Variants in L1TD1 observed in about 807,000 individuals in gnomAD.
The protein encoded by L1TD1 is LINE1 type transposase domain containing 1, also known as LINE-1 type transposase domain-containing protein 1.
A neutral mutation model predicts 25.7 loss-of-function variants in L1TD1; 26 were observed. The observed-to-expected ratio is 1.01, with a 90% CI of 0.74 to 1.40. The LOEUF is 1.40. Ranked by LOEUF, L1TD1 falls within the 40% of genes most tolerant of loss-of-function variation. The pLI is 0.00. For missense variants in L1TD1, 1,130 were observed against 975.0 expected (o/e 1.16, Z -2.12); for synonymous variants, 421 against 335.6 (o/e 1.25, Z -2.78).
chr1:62,204,891 C>T (rs571151892), intron 2 of L1TD1, among the ~76,000 whole-genome samples: 5 of 152,184 alleles, frequency 3.3e-5, no homozygotes, highest in African/African-American at 9.6e-5. Context: ...ATCCTCTTAC[C>T]TCAGCCTCCC....
chr1:62,207,692 A>G, intron 3 of L1TD1, 56 bp downstream of exon 3: 1 of 1,436,270 alleles, frequency 7.0e-7, no homozygotes, highest in Non-Finnish European at 9.2e-7. Context: ...AATAGTAGGC[A>G]TGGTTATTTT....
intron 2 of L1TD1, among the ~76,000 whole-genome samples, chr1:62,205,295 G>A (rs1482636927): frequency 2.0e-5 from 3 of 150,566 alleles, no homozygotes; most frequent in East Asian, 4.0e-4. Context: ...CCGAGATCGC[G>A]CCATTGCACT....
Position 62,206,642 on chromosome 1 carries a change from C to G in L1TD1, c.14C>G (p.Ser5Cys), listed in dbSNP as rs1422356047. Reference sequence around the variant, plus strand: ...AACATATCCACAATGTCTGATGTATCTACTAGTGTACAATCAAAATTTGCT... The same window carrying G: ...AACATATCCACAATGTCTGATGTATGTACTAGTGTACAATCAAAATTTGCT... MSDVSTSVQSKFARL... is the reference protein window; with the variant it reads MSDVCTSVQSKFARL... Residue 5 changes from serine (S) to cysteine (C), a missense_variant, in exon 3 of 4, where the codon TCT (serine) becomes TGT (cysteine). Ser to Cys is a moderately radical substitution (Grantham distance 112). Transcript: ENST00000498273. 1 of 1,539,462 alleles carries G rather than the reference C, an allele frequency of 6.5e-7. No homozygotes were observed. The highest frequency in any genetic ancestry group is 1.4e-5 in the African/African-American group (1 of 72,262).
At chr1:62,205,441 A>ACATTT (rs1670726048) in intron 2 of L1TD1, among the ~76,000 whole-genome samples, 1 of 53,880 alleles carries the variant, frequency 1.9e-5, no homozygotes, top group African/African-American at 6.3e-5. Context: ...ATATATATAT[A>ACATTT]TATTTTTTTT....
At chr1:62,202,300 CAA>C (rs761414950) in intron 2 of L1TD1, among the ~76,000 whole-genome samples, 10 of 124,748 alleles carry the variant, frequency 8.0e-5, no homozygotes, top group Admixed American at 2.5e-4. Flanking sequence ...AACTTCATCT[CAA>C]AAAAAAAAAA....
At chr1:62,198,884 C>T (rs1342425932) in intron 2 of L1TD1, among the ~76,000 whole-genome samples, 2 of 151,776 alleles carry the variant, frequency 1.3e-5, no homozygotes, top group East Asian at 3.9e-4. Context: ...GTCACCCAGG[C>T]TGGAATGCAG....
intron 1 of L1TD1, among the ~76,000 whole-genome samples, chr1:62,195,942 C>A (rs558344236): frequency 6.6e-6 from 1 of 151,932 alleles, no homozygotes; most frequent in Non-Finnish European, 1.5e-5. Flanking sequence ...GAGGCCGAGG[C>A]AGGAGAATCG....
At chr1:62,205,849 A>G (rs1055408350) in intron 2 of L1TD1, among the ~76,000 whole-genome samples, 8 of 151,980 alleles carry the variant, frequency 5.3e-5, no homozygotes, top group African/African-American at 1.9e-4. Flanking sequence ...CTTGCATCTG[A>G]ACCTCCCAAG....
chr1:62,204,391 TATC>T (rs1340448904), intron 2 of L1TD1, among the ~76,000 whole-genome samples: 4 of 152,230 alleles, frequency 2.6e-5, no homozygotes, highest in Admixed American at 2.0e-4. Flanking sequence ...GATAGGTAGT[TATC>T]ATTTTGATTT....
rs1269544269 is a variant in L1TD1, at chr1:62,197,397, T to TTTTATATATATATATATA, written c.-111+870_-111+871insTTATATATATATATATAT. The stretch of plus-strand genomic sequence containing the variant: ...GAGACGCCCTCTCAAAAAAAATAAA[T>TTTTATATATATATATATA]TATATATATATATATATATATATAT... On this transcript the variant is annotated intron_variant, in intron 2 of 3. Transcript: ENST00000498273. 2.1e-4 allele frequency among the ~76,000 whole-genome samples: 17 copies of TTTTATATATATATATATA among 80,804 alleles called. No individual in the cohort carries two copies. In the East Asian group the frequency reaches 2.6e-3, roughly 12 times the overall value. The allele number at this position is 80,804 out of a possible 152,430, so 53.0% of individuals were successfully genotyped here.
chr1:62,205,435 ATATATATAT>A (rs1404093481), intron 2 of L1TD1, among the ~76,000 whole-genome samples: 1 of 36,070 alleles, frequency 2.8e-5, no homozygotes, highest in African/African-American at 1.0e-4. Context: ...ATATATATAT[ATATATATAT>A]TTTTTTTTAG....
rs753239905 is a variant in L1TD1 at position 62,209,995 on chromosome 1, G to GGA, written c.1222_1223dup (p.Glu409LysfsTer25). Reference sequence around the variant, plus strand: ...ATACCTCAGGGCTGGAGGAGGAGGAGGAAGAGCCCTCAGGGCTGGAGGAGG... The same window carrying GGA: ...ATACCTCAGGGCTGGAGGAGGAGGAGGAGAAGAGCCCTCAGGGCTGGAGGAGG... On this transcript the variant is annotated frameshift_variant, in exon 4 of 4. Transcript: ENST00000498273. LOFTEE classifies it low-confidence loss of function (END_TRUNC). 7 of 1,469,724 alleles carry GGA rather than the reference G, an allele frequency of 4.8e-6. No homozygotes were observed. Among genetic ancestry groups the GGA allele is most frequent in the Non-Finnish European group, 6.5e-6 (7 of 1,070,782 alleles). 91.0% of individuals were successfully genotyped at this position (1,469,724 alleles called of 1,614,324 possible). A position where few individuals can be genotyped will look rare whatever the true frequency, so the allele number is the denominator to read the frequency against.
At chr1:62,202,266 T>C (rs1254629746) in intron 2 of L1TD1, among the ~76,000 whole-genome samples, 2 of 151,936 alleles carry the variant, frequency 1.3e-5, no homozygotes, top group Non-Finnish European at 2.9e-5. Context: ...TGCCATTGCA[T>C]TCCAGCCTGG....
chr1:62,206,486 T>C (rs1310827777), intron 2 of L1TD1, 33 bp from the exon 3 acceptor site: 6 of 809,580 alleles, frequency 7.4e-6, no homozygotes, highest in South Asian at 3.8e-5. Flanking sequence ...GAGAATTCTT[T>C]AGTAAGTAAT....
intron 2 of L1TD1, among the ~76,000 whole-genome samples, chr1:62,197,183 C>T (rs181003242): frequency 2.2e-4 from 33 of 151,482 alleles, no homozygotes; most frequent in African/African-American, 7.5e-4. Flanking sequence ...GTCAGCAGTT[C>T]GAGACCAGTC....
chr1:62,196,958 C>T lies in L1TD1; in HGVS notation c.-111+430C>T, dbSNP rs552100679. 2.6e-5 allele frequency among the ~76,000 whole-genome samples: 4 copies of T among 152,132 alleles called. No individual in the cohort carries two copies. In the East Asian group the frequency reaches 7.7e-4, roughly 29 times the overall value. ...GGGTCTGATAAAGAAATGAGCCCTA[C>T]TTATAATCTAGTGTGGGTCAGGACC... On this transcript the variant is annotated intron_variant, in intron 2 of 3. Coordinates refer to ENST00000498273, the MANE Select transcript of L1TD1 (RefSeq NM_019079.5).
At chr1:62,195,602 A>G (rs1238126846) in intron 1 of L1TD1, among the ~76,000 whole-genome samples, 1 of 152,096 alleles carries the variant, frequency 6.6e-6, no homozygotes, top group Non-Finnish European at 1.5e-5. Flanking sequence ...AAAATACAAA[A>G]TTAGCCAGGC....
In L1TD1 at chr1:62,209,886, T is replaced by C. The variant is rs367791382; in HGVS notation, c.1112T>C (p.Met371Thr). The C allele has an allele frequency of 9.3e-6, 15 of 1,613,974 alleles. No homozygotes were observed. In the East Asian group the frequency reaches 1.6e-4, roughly 17 times the overall value. ...GTAAAAGTTGCTAAGCCAGAGGAGA[T>C]GAAAAACTTAGAGACTCAAGAGGAA... is the stretch of plus-strand genomic sequence containing the variant. Reference protein sequence around the residue: ...KEVKVAKPEEMKNLETQEEEF... With the variant: ...KEVKVAKPEETKNLETQEEEF... Residue 371 changes from methionine (M) to threonine (T), a missense_variant, in exon 4 of 4, where the codon ATG (methionine) becomes ACG (threonine). Met to Thr is a moderately conservative substitution (Grantham distance 81). Transcript: ENST00000498273.
At position 62,207,329 on chromosome 1, in the gene L1TD1, A is replaced by T; in HGVS notation, c.701A>T (p.Lys234Ile). 3 of 1,551,208 alleles carry T rather than the reference A, an allele frequency of 1.9e-6. No homozygotes were observed. The highest frequency in any genetic ancestry group is 2.6e-6 in the Non-Finnish European group (3 of 1,146,828). Residue 234 changes from lysine to isoleucine, a missense_variant, in exon 3 of 4, where the codon AAA (lysine) becomes ATA (isoleucine). Coordinates refer to ENST00000498273, the MANE Select transcript of L1TD1 (RefSeq NM_019079.5). ...EEVLKASREE[K>I]VLMDEGAVLT... ...GTTTTAAAAGCCTCCAGAGAAGAAA[A>T]AGTGTTGATGGATGAAGGAGCAGTA...
Sources: gnomAD v4.1 joint callset for allele counts (sites outside exome capture counted in the v4.1 genomes callset) on GRCh38, gnomAD v4.1.1 for gene constraint, MANE v1.5 for transcripts, NCBI Gene and HGNC (gene_info 2026-07-23, HGNC 2026-07-21) for gene names.